Variants in CDKAL1 observed in about 807,000 individuals in gnomAD.
The protein encoded by CDKAL1 is threonylcarbamoyladenosine tRNA methylthiotransferase.
A neutral mutation model predicts 68.2 loss-of-function variants in CDKAL1; 32 were observed. The ratio of observed to expected loss-of-function variants is 0.47; its 90% confidence interval spans 0.35 to 0.63. The LOEUF (loss-of-function observed/expected upper bound fraction) is 0.63. CDKAL1 is among the 30% of genes least tolerant of loss of function. The probability of loss-of-function intolerance (pLI) is 0.00; values close to 1 mark genes in which losing one functional copy is unlikely to be tolerated. For missense variants in CDKAL1, 606 were observed against 696.7 expected, an observed-to-expected ratio of 0.87 and a Z score of 1.47; for synonymous variants, 234 against 244.3, an observed-to-expected ratio of 0.96 and a Z score of 0.39.
intron 12 of CDKAL1, among the ~76,000 whole-genome samples, chr6:21,065,985 TTTAA>T (rs999163188): frequency 7.3e-4 from 111 of 151,760 alleles, no homozygotes; most frequent in African/African-American, 2.5e-3. Context: ...GGTTTTTGCC[TTTAA>T]TTACCGCAAT....
rs1771654458 is a variant in CDKAL1, at chr6:21,069,770, C to CTTTTTTTTTTTTTTTTTTTTT, written c.1236+4545_1236+4546insTTTTTTTTTTTTTTTTTTTTT. 1.2e-4 allele frequency among the ~76,000 whole-genome samples: 5 copies of CTTTTTTTTTTTTTTTTTTTTT among 42,254 alleles called. 2 individuals carry two copies. The highest frequency in any genetic ancestry group is 1.1e-4 in the African/African-American group (2 of 17,420). The allele number at this position is 42,254 out of a possible 152,430, so 27.7% of individuals were successfully genotyped here. A position where few individuals can be genotyped will look rare whatever the true frequency, so the allele number is the denominator to read the frequency against. ...TGCCCAATAAAATCCCCCAGATTTTCTTTCTTTTTTTTTTTTTTTTTTTTT... is the reference window on the plus strand; with the variant it reads ...TGCCCAATAAAATCCCCCAGATTTTCTTTTTTTTTTTTTTTTTTTTTTTTCTTTTTTTTTTTTTTTTTTTTT... On this transcript the variant is annotated intron_variant, in intron 12 of 15. Coordinates refer to ENST00000274695, the MANE Select transcript of CDKAL1 (RefSeq NM_017774.3).
intron 11 of CDKAL1, among the ~76,000 whole-genome samples, chr6:21,041,193 T>C (rs1561982769): frequency 6.6e-6 from 1 of 152,236 alleles, no homozygotes; most frequent in African/African-American, 2.4e-5. Flanking sequence ...TTGACTTCTA[T>C]ATACAACACC....
At chr6:21,141,904 C>A (rs1337597989) in intron 13 of CDKAL1, among the ~76,000 whole-genome samples, 1 of 152,142 alleles carries the variant, frequency 6.6e-6, no homozygotes, top group Non-Finnish European at 1.5e-5. Context: ...AGGAATTTGA[C>A]AGAATAATTT....
At chr6:21,160,656 C>CTGTGG (rs1554189726) in intron 13 of CDKAL1, among the ~76,000 whole-genome samples, 1 of 127,988 alleles carries the variant, frequency 7.8e-6, no homozygotes, top group African/African-American at 2.9e-5. Context: ...CACACACACA[C>CTGTGG]GTGTGTGTGT....
intron 13 of CDKAL1, among the ~76,000 whole-genome samples, chr6:21,120,928 A>G (rs185684216): frequency 1.3e-5 from 2 of 152,328 alleles, no homozygotes; most frequent in East Asian, 1.9e-4. Context: ...TCTCACAAAC[A>G]TGTCATCTTA....
intron 5 of CDKAL1, among the ~76,000 whole-genome samples, chr6:20,683,669 C>G (rs72830693): frequency 0.028 from 4,331 of 152,240 alleles, 90 homozygotes; most frequent in South Asian, 0.081. Context: ...TCAGTATCCC[C>G]CATCAGAATG....
chr6:20,568,053 C>T (rs1237691047), intron 4 of CDKAL1, among the ~76,000 whole-genome samples: 1 of 151,948 alleles, frequency 6.6e-6, no homozygotes. Flanking sequence ...TTTTTTTGTA[C>T]TTTTAGTAGA....
At chr6:20,883,760 T>A (rs903734810) in intron 9 of CDKAL1, among the ~76,000 whole-genome samples, 1 of 152,184 alleles carries the variant, frequency 6.6e-6, no homozygotes, top group African/African-American at 2.4e-5. Context: ...CACTGTAAAA[T>A]TATTTCAACT....
intron 11 of CDKAL1, among the ~76,000 whole-genome samples, chr6:21,024,631 T>A (rs544752367): frequency 2.0e-5 from 3 of 152,294 alleles, no homozygotes; most frequent in South Asian, 4.1e-4. Context: ...CATCACAGAT[T>A]TTTAGAAGCC....
At chr6:20,686,299 C>T (rs1234573233) in intron 5 of CDKAL1, among the ~76,000 whole-genome samples, 1 of 152,050 alleles carries the variant, frequency 6.6e-6, no homozygotes, top group Non-Finnish European at 1.5e-5. Flanking sequence ...AGGAGGTGAG[C>T]GGTGGGTGAG....
intron 11 of CDKAL1, among the ~76,000 whole-genome samples, chr6:21,016,673 T>C (rs1278442571): frequency 2.1e-5 from 3 of 140,934 alleles, no homozygotes; most frequent in Non-Finnish European, 3.1e-5. Flanking sequence ...TCCATCCATC[T>C]TACTTCAGTG....
intron 6 of CDKAL1, among the ~76,000 whole-genome samples, chr6:20,740,845 G>A (rs1773423462): frequency 6.6e-6 from 1 of 152,028 alleles, no homozygotes; most frequent in Non-Finnish European, 1.5e-5. Flanking sequence ...ATTTTTCTTG[G>A]TTTAAGGAAT....
At chr6:20,659,943 T>A (rs1487666384) in intron 5 of CDKAL1, among the ~76,000 whole-genome samples, 3 of 152,176 alleles carry the variant, frequency 2.0e-5, no homozygotes, top group Non-Finnish European at 4.4e-5. Context: ...ACTTCCTCCC[T>A]GACATTAGAA....
intron 9 of CDKAL1, among the ~76,000 whole-genome samples, chr6:20,859,054 A>T (rs1411578257): frequency 2.6e-5 from 4 of 152,128 alleles, no homozygotes; most frequent in African/African-American, 7.2e-5. Context: ...ATTAAATCAC[A>T]TATGTATCTT....
intron 8 of CDKAL1, among the ~76,000 whole-genome samples, chr6:20,821,630 T>G (rs190704070): frequency 0.055 from 757 of 13,708 alleles, 6 homozygotes; most frequent in African/African-American, 0.14. Context: ...GTGTCCCAGA[T>G]GCTTTGGAAC....
intron 13 of CDKAL1, among the ~76,000 whole-genome samples, chr6:21,192,864 GA>G (rs1778313953): frequency 7.1e-6 from 1 of 140,516 alleles, no homozygotes; most frequent in South Asian, 2.3e-4. Context: ...TCCCAGGCTA[GA>G]ATGCAGCTGT....
chr6:21,040,782 T>C (rs536186581), intron 11 of CDKAL1, among the ~76,000 whole-genome samples: 1 of 152,206 alleles, frequency 6.6e-6, no homozygotes, highest in East Asian at 1.9e-4. Context: ...AAAATTAGTG[T>C]ACAGAAATTA....
intron 12 of CDKAL1, among the ~76,000 whole-genome samples, chr6:21,074,805 T>A (rs1365317565): frequency 2.0e-5 from 3 of 152,180 alleles, no homozygotes; most frequent in African/African-American, 7.2e-5. Flanking sequence ...CTTAAAAATT[T>A]ATTATTTTTT....
intron 9 of CDKAL1, among the ~76,000 whole-genome samples, chr6:20,894,741 T>C (rs1412340385): frequency 6.6e-6 from 1 of 152,182 alleles, no homozygotes; most frequent in East Asian, 1.9e-4. Context: ...ATGTGGTGGC[T>C]CACACCTGCA....
Sources: allele counts gnomAD v4.1 joint callset (sites outside exome capture counted in the v4.1 genomes callset), GRCh38; gene constraint gnomAD v4.1.1; transcripts MANE v1.5; gene names NCBI Gene and HGNC (gene_info 2026-07-23, HGNC 2026-07-21).